The following COL20A1 variants were observed in gnomAD, a reference collection of about 807,000 sequenced individuals.
The protein encoded by COL20A1 is collagen alpha-1(XX) chain.
In COL20A1, 164 loss-of-function variants were observed where a neutral mutation model predicts 152.9. That is an observed-to-expected ratio of 1.07 (90% CI 0.94 to 1.22). The LOEUF is 1.22. Ranked by LOEUF, COL20A1 falls within the 50% of genes most tolerant of loss-of-function variation. The pLI, the probability that COL20A1 is intolerant of heterozygous loss-of-function variation, is 0.00. For synonymous variants in COL20A1, 864 were observed against 756.0 expected, an observed-to-expected ratio of 1.14 and a Z score of -2.34; for missense variants, 1,873 against 1,744.8, an observed-to-expected ratio of 1.07 and a Z score of -1.31.
At position 63,307,514 on chromosome 20, in the gene COL20A1, C is replaced by T. The variant is rs1568769817; in HGVS notation, c.521C>T (p.Pro174Leu). The T allele has an allele frequency of 3.7e-6, 6 of 1,612,296 alleles. No individual in the cohort carries two copies. The highest frequency in any genetic ancestry group is 5.1e-6 in the Non-Finnish European group (6 of 1,179,602). The change falls in exon 6 of 36, where the codon CCC becomes CTC. Residue 174 changes from proline (P) to leucine (L), a missense_variant. By Grantham distance (98) the Pro-to-Leu change is moderately conservative (BLOSUM62 -3). Transcript: ENST00000358894. ...TPAGPQFRCL[P>L]PVPADMVFLV... ...GCCGGCCCCCAGTTCCGCTGCCTGC[C>T]CCCCGTGCCTGCTGACATGGTCTTC...
chr20:63,313,707 G>A lies in COL20A1; in HGVS notation c.2210-36G>A, dbSNP rs760783934. 1.3e-6 allele frequency: 2 copies of A among 1,520,906 alleles called. No homozygotes were observed. Among genetic ancestry groups the A allele is most frequent in the Non-Finnish European group, 1.8e-6 (2 of 1,138,238 alleles). The allele number at this position is 1,520,906 out of a possible 1,614,324, so 94.2% of individuals were successfully genotyped here. Reference sequence around the variant, plus strand: ...GCCACCGGGTGCCTCCTTTCTGGAGGGGCCTGAGCCCCACACAACCCATGC... The same window carrying A: ...GCCACCGGGTGCCTCCTTTCTGGAGAGGCCTGAGCCCCACACAACCCATGC... On this transcript the variant is annotated intron_variant, in intron 17 of 35. Coordinates refer to ENST00000358894, the MANE Select transcript of COL20A1 (RefSeq NM_020882.4). The surrounding 1 kb of genome is among the most constrained non-coding windows in gnomAD (Gnocchi z 5.9).
intron 19 of COL20A1, among the ~76,000 whole-genome samples, chr20:63,314,608 C>T (rs1337089296): frequency 1.3e-5 from 2 of 152,148 alleles, no homozygotes; most frequent in African/African-American, 4.8e-5. Context: ...GGGACGGGGT[C>T]CTCACTGCCT....
chr20:63,307,446 G>A (rs1349598760), intron 5 of COL20A1, 44 bp from the exon 6 acceptor site: 1 of 1,579,348 alleles, frequency 6.3e-7, no homozygotes, highest in African/African-American at 1.3e-5. Flanking sequence ...CCTTGGACCA[G>A]GGATGGGCCT....
At chr20:63,315,869 C>G (rs972799968) in intron 20 of COL20A1, among the ~76,000 whole-genome samples, 1 of 152,232 alleles carries the variant, frequency 6.6e-6, no homozygotes, top group African/African-American at 2.4e-5. Flanking sequence ...TTGGAAGGGG[C>G]TGCGGCCTCT....
At position 63,305,907 on chromosome 20, in the gene COL20A1, G is replaced by T. The variant is rs1246331397; in HGVS notation, c.364G>T (p.Asp122Tyr). Reference protein sequence around the residue: ...VIEDLKSSSLDRSSQRPLGSG... With the variant: ...VIEDLKSSSLYRSSQRPLGSG... ...TGAGGATCTGAAGAGTAGCTCCCTGGACAGGAGCAGCCAGAGGCCCCTCGG... is the reference window on the plus strand; with the variant it reads ...TGAGGATCTGAAGAGTAGCTCCCTGTACAGGAGCAGCCAGAGGCCCCTCGG... Residue 122 changes from aspartate (D) to tyrosine (Y), a missense_variant, in exon 5 of 36, where the codon GAC becomes TAC. By Grantham distance (160) the Asp-to-Tyr change is radical (BLOSUM62 -3). Transcript: ENST00000358894. The surrounding 1 kb of genome is among the most constrained non-coding windows in gnomAD (Gnocchi z 4.9). 6.2e-7 allele frequency: 1 copy of T among 1,613,020 alleles called. No individual in the cohort carries two copies. Among genetic ancestry groups the T allele is most frequent in the Non-Finnish European group, 8.5e-7 (1 of 1,179,834 alleles).
At chr20:63,298,695 C>T (rs1211193263) in intron 3 of COL20A1, among the ~76,000 whole-genome samples, 1 of 152,330 alleles carries the variant, frequency 6.6e-6, no homozygotes, top group East Asian at 1.9e-4. Context: ...ACCTGCTCCC[C>T]ACGCGTTAAT....
intron 10 of COL20A1, 130 bp from the exon 11 acceptor site, chr20:63,310,251 C>A: frequency 2.0e-6 from 2 of 987,646 alleles, no homozygotes; most frequent in Non-Finnish European, 3.0e-6. Flanking sequence ...ACAGGGAGCC[C>A]AGGCCTGTGG....
At chr20:63,312,730 C>G in intron 15 of COL20A1, 62 bp from the exon 16 acceptor site, 1 of 1,485,272 alleles carries the variant, frequency 6.7e-7, no homozygotes. Flanking sequence ...TGTGGCTGCC[C>G]CTCCTCTGAG....
chr20:63,320,093 G>T lies in COL20A1; in HGVS notation c.2971G>T (p.Val991Leu). The change falls in exon 24 of 36, where the codon GTG becomes TTG. Residue 991 changes from valine to leucine, a missense_variant. Physicochemically the swap from Val to Leu is conservative, Grantham distance 32. Coordinates refer to ENST00000358894, the MANE Select transcript of COL20A1 (RefSeq NM_020882.4). ...KVRLYVDCRK[V>L]AERPLGEMGS... is the part of the protein sequence containing the mutation. The stretch of plus-strand genomic sequence containing the variant: ...CAGGCTCTATGTGGACTGCCGGAAG[G>T]TGGCTGAGCGGCCCCTTGGGGAGAT... 6.4e-7 allele frequency: 1 copy of T among 1,554,484 alleles called. No individual in the cohort carries two copies. The highest frequency in any genetic ancestry group is 8.7e-7 in the Non-Finnish European group (1 of 1,149,876).
intron 6 of COL20A1, 67 bp from the exon 7 acceptor site, chr20:63,307,904 T>A: frequency 8.9e-6 from 14 of 1,580,202 alleles, no homozygotes; most frequent in Non-Finnish European, 9.5e-6. Flanking sequence ...AGGTGTGGCC[T>A]TGTGCCAAGC....
chr20:63,305,354 C>T lies in COL20A1; in HGVS notation c.194-63C>T, dbSNP rs539414111. 73 of 1,336,768 alleles carry T rather than the reference C, an allele frequency of 5.5e-5. No individual in the cohort carries two copies. In the African/African-American group the frequency reaches 8.6e-4, roughly 16 times the overall value. The allele number at this position is 1,336,768 out of a possible 1,614,324, so 82.8% of individuals were successfully genotyped here. ...GAGGAGCCAAGAGGGTTTCACTCCC[C>T]GCCGTGACAGATGCACACACGTGTG... On this transcript the variant is annotated intron_variant, in intron 3 of 35. Transcript: ENST00000358894. The surrounding 1 kb of genome is among the most constrained non-coding windows in gnomAD (Gnocchi z 4.9).
chr20:63,293,557 C>T lies in COL20A1; in HGVS notation c.-11+282C>T, dbSNP rs376424578. 7.2e-5 allele frequency among the ~76,000 whole-genome samples: 11 copies of T among 152,270 alleles called. No homozygotes were observed. In the East Asian group the frequency reaches 2.1e-3, roughly 29 times the overall value. ...GGGAACGAGGAGGGTGCACATCGAG[C>T]AGAGAGCGGCTTGCACTTCAGGCTG... On this transcript the variant is annotated intron_variant, in intron 1 of 35. Transcript: ENST00000358894.
At position 63,314,076 on chromosome 20, in the gene COL20A1, C is replaced by G; in HGVS notation, c.2363C>G (p.Ser788Cys). 6.2e-7 allele frequency: 1 copy of G among 1,612,802 alleles called. No homozygotes were observed. The highest frequency in any genetic ancestry group is 8.5e-7 in the Non-Finnish European group (1 of 1,179,810). ...AGGCACCCTCCCTTCTCCTAGGTCTCTGTGCCAGGAGCCAGGAGCCACGTG... is the reference window on the plus strand; with the variant it reads ...AGGCACCCTCCCTTCTCCTAGGTCTGTGTGCCAGGAGCCAGGAGCCACGTG... ...ASGLGPEKSV[S>C]VPGARSHVTL... Residue 788 changes from serine to cysteine, a missense_variant, in exon 19 of 36, where the codon TCT becomes TGT. By Grantham distance (112) the Ser-to-Cys change is moderately radical. Transcript: ENST00000358894.
At position 63,319,244 on chromosome 20, in the gene COL20A1, G is replaced by C. The variant is rs749715693; in HGVS notation, c.2806+44G>C. The stretch of plus-strand genomic sequence containing the variant: ...CGCCCCCAGCAGTCAGGAGGAGTAG[G>C]GGCAGGGAGGCCCCAGAGCCCTGGG... On this transcript the variant is annotated intron_variant, in intron 22 of 35. Transcript: ENST00000358894. This position sits in a 1 kb window ranked among gnomAD's most constrained non-coding sequence, Gnocchi z 4.4. 1.8e-5 allele frequency: 29 copies of C among 1,585,964 alleles called. 2 individuals carry two copies. In the South Asian group the frequency reaches 3.2e-4, roughly 17 times the overall value.
rs2068128066 is a variant in COL20A1 at position 63,319,430 on chromosome 20, G to A, written c.2807-57G>A. 7.3e-7 allele frequency: 1 copy of A among 1,366,652 alleles called. No individual in the cohort carries two copies. The highest frequency in any genetic ancestry group is 1.0e-6 in the Non-Finnish European group (1 of 986,116). 84.7% of individuals were successfully genotyped at this position (1,366,652 alleles called of 1,614,324 possible). Reference sequence around the variant, plus strand: ...CTGTCGTGGGGGCCGCCCTGCTCAAGGTATAGGCCCGGCTGGTTGCAGCCC... The same window carrying A: ...CTGTCGTGGGGGCCGCCCTGCTCAAAGTATAGGCCCGGCTGGTTGCAGCCC... On this transcript the variant is annotated intron_variant, in intron 22 of 35. Transcript: ENST00000358894. The surrounding 1 kb of genome is among the most constrained non-coding windows in gnomAD (Gnocchi z 4.4).
Position 63,306,049 on chromosome 20 carries a change from A to T in COL20A1, c.496+10A>T. On this transcript the variant is annotated intron_variant, in intron 5 of 35. Transcript: ENST00000358894. This position sits in a 1 kb window ranked among gnomAD's most constrained non-coding sequence, Gnocchi z 6.9. Reference sequence around the variant, plus strand: ...GATCCGCGCACTCCTGGTGGGTCAGAGTGGAGAGAGAGTAAGTCTCCGGGG... The same window carrying T: ...GATCCGCGCACTCCTGGTGGGTCAGTGTGGAGAGAGAGTAAGTCTCCGGGG... The T allele has an allele frequency of 6.3e-7, 1 of 1,588,850 alleles. No homozygotes were observed. Among genetic ancestry groups the T allele is most frequent in the Non-Finnish European group, 8.5e-7 (1 of 1,169,684 alleles).
At position 63,305,553 on chromosome 20, in the gene COL20A1, G is replaced by A. The variant is rs1432100339; in HGVS notation, c.330G>A (p.Glu110=). ...GGCGCTTCCTGCTAGCTCGGAGGGA[G>A]TTTGTGAGTAAGTCCACCGTCTGCC... The part of the protein sequence containing the change: ...GSGRFLLARR[E]FVIEDLKSSS... The change falls in exon 4 of 36, where the codon GAG becomes GAA. Residue 110 remains glutamate, a synonymous_variant. Coordinates refer to ENST00000358894, the MANE Select transcript of COL20A1 (RefSeq NM_020882.4). This position sits in a 1 kb window ranked among gnomAD's most constrained non-coding sequence, Gnocchi z 4.9. The A allele has an allele frequency of 6.3e-7, 1 of 1,596,856 alleles. No individual in the cohort carries two copies. The highest frequency in any genetic ancestry group is 8.5e-7 in the Non-Finnish European group (1 of 1,173,016).
chr20:63,317,313 A>T (rs1199131498), intron 21 of COL20A1, among the ~76,000 whole-genome samples: 1 of 151,956 alleles, frequency 6.6e-6, no homozygotes, highest in Non-Finnish European at 1.5e-5. Context: ...ATAAACAAAC[A>T]AACTTAGCTG....
intron 3 of COL20A1, among the ~76,000 whole-genome samples, chr20:63,298,823 G>A (rs2067831176): frequency 6.6e-6 from 1 of 152,182 alleles, no homozygotes; most frequent in Admixed American, 6.5e-5. Context: ...AACTCAGATG[G>A]AAAAGCACAC....
Sources: allele counts gnomAD v4.1 joint callset (sites outside exome capture counted in the v4.1 genomes callset), GRCh38; gene constraint gnomAD v4.1.1; non-coding constraint Gnocchi (gnomAD v3.1); transcripts MANE v1.5; gene names NCBI Gene and HGNC (gene_info 2026-07-23, HGNC 2026-07-21).